The following SLC8A1 variants were observed in gnomAD, a reference collection of about 807,000 sequenced individuals.
SLC8A1 encodes the protein solute carrier family 8 member A1.
A neutral mutation model predicts 68.3 loss-of-function variants in SLC8A1; 18 were observed. That is an observed-to-expected ratio of 0.26 (90% CI 0.18 to 0.39). The LOEUF is 0.39. Among genes scored for constraint, SLC8A1 ranks in the 10% least tolerant of loss-of-function variants. SLC8A1 has a pLI of 1.00. For missense variants in SLC8A1, 985 were observed against 1,156.7 expected, an observed-to-expected ratio of 0.85 and a Z score of 2.15; for synonymous variants, 475 against 415.5, an observed-to-expected ratio of 1.14 and a Z score of -1.74.
At chr2:40,239,648 C>G (rs1178978415) in intron 2 of SLC8A1, among the ~76,000 whole-genome samples, 1 of 152,106 alleles carries the variant, frequency 6.6e-6, no homozygotes, top group Non-Finnish European at 1.5e-5. Flanking sequence ...GCATTCTACT[C>G]CAGCCTGGGC....
chr2:40,114,943 C>G (rs1217645793), exon 8 of SLC8A1: 1 of 173,598 alleles, frequency 5.8e-6, no homozygotes, highest in African/African-American at 2.4e-5. Flanking sequence ...ACCTCCCCAG[C>G]TCCACTGAAA....
chr2:40,257,545 C>T (rs2064115864), intron 2 of SLC8A1, among the ~76,000 whole-genome samples: 1 of 152,116 alleles, frequency 6.6e-6, no homozygotes, highest in Non-Finnish European at 1.5e-5. Flanking sequence ...CTATTATTTC[C>T]AGCCACTATA....
rs1559775523 is a variant in SLC8A1, at chr2:40,501,249, AT to A, written c.-25+11099del. 2.6e-5 allele frequency among the ~76,000 whole-genome samples: 4 copies of A among 151,666 alleles called. No individual in the cohort carries two copies. In the East Asian group the frequency reaches 7.8e-4, roughly 30 times the overall value. On this transcript the variant is annotated intron_variant, in intron 1 of 7. Transcript: ENST00000402441. ...ATCTCTTTATCCTTCTTTACTTTGT[AT>A]TTGTTTTCTGTATTGTTTGAGTTAT... is the stretch of plus-strand genomic sequence containing the variant.
intron 2 of SLC8A1, among the ~76,000 whole-genome samples, chr2:40,417,129 T>C (rs537185509): frequency 6.6e-6 from 1 of 152,316 alleles, no homozygotes; most frequent in South Asian, 2.1e-4. Flanking sequence ...CTTGTGATTG[T>C]CTTCAGTATG....
intron 7 of SLC8A1, among the ~76,000 whole-genome samples, chr2:40,132,074 A>G (rs1045362248): frequency 2.0e-5 from 3 of 152,032 alleles, no homozygotes; most frequent in African/African-American, 7.2e-5. Flanking sequence ...AAGAGTTTAA[A>G]TGTAATCTTA....
At chr2:40,239,788 A>G (rs996066211) in intron 2 of SLC8A1, among the ~76,000 whole-genome samples, 2 of 152,260 alleles carry the variant, frequency 1.3e-5, no homozygotes, top group Non-Finnish European at 2.9e-5. Flanking sequence ...ACATTGTTAC[A>G]GGAGTGAAGT....
intron 2 of SLC8A1, among the ~76,000 whole-genome samples, chr2:40,268,892 C>T (rs1489454855): frequency 1.3e-5 from 2 of 152,154 alleles, no homozygotes; most frequent in African/African-American, 4.8e-5. Context: ...AGCTATTAAC[C>T]TCTCAAAATA....
At chr2:40,421,110 G>A (rs1165941137) in intron 2 of SLC8A1, among the ~76,000 whole-genome samples, 1 of 150,320 alleles carries the variant, frequency 6.7e-6, no homozygotes, top group African/African-American at 2.4e-5. Context: ...CACCACTACC[G>A]CCATCATCTC....
intron 2 of SLC8A1, among the ~76,000 whole-genome samples, chr2:40,273,383 A>G (rs2066295625): frequency 6.6e-6 from 1 of 152,116 alleles, no homozygotes; most frequent in Non-Finnish European, 1.5e-5. Flanking sequence ...ACTAGCCACC[A>G]TGCCCAGCCC....
intron 1 of SLC8A1, among the ~76,000 whole-genome samples, chr2:40,447,368 G>T (rs536791646): frequency 6.6e-6 from 1 of 152,084 alleles, no homozygotes; most frequent in African/African-American, 2.4e-5. Context: ...AAATTTTGGA[G>T]AGTTTATCTT....
intron 2 of SLC8A1, among the ~76,000 whole-genome samples, chr2:40,427,117 A>G (rs1216841183): frequency 6.6e-6 from 1 of 152,112 alleles, no homozygotes; most frequent in Admixed American, 6.6e-5. Flanking sequence ...TACAAACATC[A>G]GAAGATGGAT....
At chr2:40,510,122 GGCC>G (rs1706625149) in intron 1 of SLC8A1, among the ~76,000 whole-genome samples, 1 of 152,026 alleles carries the variant, frequency 6.6e-6, no homozygotes, top group South Asian at 2.1e-4. Context: ...CACCGTGCCC[GGCC>G]GCCATTTTGT....
intron 1 of SLC8A1, among the ~76,000 whole-genome samples, chr2:40,498,436 A>G (rs1157237842): frequency 3.3e-5 from 5 of 152,100 alleles, no homozygotes; most frequent in African/African-American, 1.2e-4. Context: ...GAACCACAAG[A>G]TTGCAAGTAT....
intron 2 of SLC8A1, among the ~76,000 whole-genome samples, chr2:40,300,827 C>T (rs750454979): frequency 1.3e-5 from 2 of 152,108 alleles, no homozygotes; most frequent in African/African-American, 4.8e-5. Flanking sequence ...GCAGAATGAT[C>T]TTAAAAATCC....
chr2:40,458,407 T>A (rs899878550), intron 1 of SLC8A1, among the ~76,000 whole-genome samples: 1 of 152,090 alleles, frequency 6.6e-6, no homozygotes, highest in Admixed American at 6.5e-5. Context: ...GAGCAGTTTT[T>A]GGTGCATGGG....
At position 40,196,350 on chromosome 2, in the gene SLC8A1, A is replaced by G. The variant is rs1288235679; in HGVS notation, c.1809-18495T>C. ...AAACTCAAGCATGCATTAAAACTTAAGAAGTGAATTCTCAGTAAATACAAG... is the reference window on the plus strand; with the variant it reads ...AAACTCAAGCATGCATTAAAACTTAGGAAGTGAATTCTCAGTAAATACAAG... On this transcript the variant is annotated intron_variant, in intron 2 of 7. Coordinates refer to ENST00000406785, the Ensembl canonical transcript of SLC8A1. Among the ~76,000 whole-genome samples the G allele has an allele frequency of 2.0e-5, 3 of 151,986 alleles. No individual in the cohort carries two copies. The East Asian group carries it at 5.8e-4, about 29-fold the overall frequency.
intron 1 of SLC8A1, among the ~76,000 whole-genome samples, chr2:40,482,385 C>G (rs1040971295): frequency 6.6e-6 from 1 of 152,046 alleles, no homozygotes; most frequent in African/African-American, 2.4e-5. Flanking sequence ...ATTAAGAAAA[C>G]AAAGTTTAAA....
chr2:40,444,084 C>G (rs1388192700), intron 1 of SLC8A1, among the ~76,000 whole-genome samples: 1 of 152,114 alleles, frequency 6.6e-6, no homozygotes, highest in Admixed American at 6.5e-5. Flanking sequence ...TGACTATAAT[C>G]CCAGCACTTT....
chr2:40,376,930 T>A (rs1220361409), intron 2 of SLC8A1, among the ~76,000 whole-genome samples: 2 of 152,110 alleles, frequency 1.3e-5, no homozygotes, highest in African/African-American at 4.8e-5. Context: ...AATTCTAAGA[T>A]GACCCCCATG....
Sources: allele counts gnomAD v4.1 joint callset (sites outside exome capture counted in the v4.1 genomes callset), GRCh38; gene constraint gnomAD v4.1.1; transcripts MANE v1.5; gene names NCBI Gene and HGNC (gene_info 2026-07-23, HGNC 2026-07-21).